Variants in P3H4 observed in about 807,000 individuals in gnomAD.
The protein encoded by P3H4 is endoplasmic reticulum protein SC65.
In P3H4, 47 loss-of-function variants were observed where a neutral mutation model predicts 52.9. The observed-to-expected ratio is 0.89, with a 90% confidence interval of 0.70 to 1.13. P3H4 has a LOEUF of 1.13. Among genes scored for constraint, P3H4 ranks in the 50% most tolerant of loss-of-function variants. The probability of loss-of-function intolerance (pLI) is 0.00; values close to 1 mark genes in which losing one functional copy is unlikely to be tolerated. For missense variants in P3H4, 585 were observed against 611.0 expected (o/e 0.96, Z 0.45); for synonymous variants, 256 against 267.9 (o/e 0.96, Z 0.44).
Position 41,803,408 on chromosome 17 carries a change from C to A in P3H4, c.1170G>T (p.Pro390=), listed in dbSNP as rs140569813. 6.2e-7 allele frequency: 1 copy of A among 1,613,694 alleles called. No homozygotes were observed. The highest frequency in any genetic ancestry group is 1.3e-5 in the African/African-American group (1 of 74,860). The change falls in exon 7 of 8, where the codon CCG becomes CCT. Residue 390 remains proline, a synonymous_variant. Transcript: ENST00000393928. The part of the protein sequence containing the change: ...DDEMELEETE[P]PLEPEDALSD... ...ATAGGGCATCCTCAGGCTCCAGGGG[C>A]GGTTCTGTCTCCTCCAGCTCCATCT...
At position 41,809,808 on chromosome 17, in the gene P3H4, T is replaced by G. The variant is rs782331376; in HGVS notation, c.814A>C (p.Lys272Gln). 6.2e-7 allele frequency: 1 copy of G among 1,613,592 alleles called. No individual in the cohort carries two copies. Among genetic ancestry groups the G allele is most frequent in the Non-Finnish European group, 8.5e-7 (1 of 1,179,812 alleles). Residue 272 changes from lysine to glutamine, a missense_variant, in exon 4 of 8, where the codon AAG becomes CAG. Physicochemically the swap from Lys to Gln is moderately conservative, Grantham distance 53. Transcript: ENST00000393928. ...ADLFAESLQCKVDCEANLTPN... is the reference protein window; with the variant it reads ...ADLFAESLQCQVDCEANLTPN... ...GTCAAATTGGCCTCACAGTCCACCT[T>G]GCACTGCAGGGACTCTGCAAAGAGA...
chr17:41,807,295 G>A (rs1032664463), intron 5 of P3H4: 8 of 225,888 alleles, frequency 3.5e-5, no homozygotes, highest in African/African-American at 6.8e-5. Flanking sequence ...TACCTCCCTC[G>A]TCTGGACACT....
chr17:41,810,151 G>C (rs977001020), intron 3 of P3H4, among the ~76,000 whole-genome samples: 1 of 149,244 alleles, frequency 6.7e-6, no homozygotes, highest in Admixed American at 6.6e-5. Context: ...AGTCCAAACA[G>C]AGAAGCTAAA....
At position 41,804,903 on chromosome 17, in the gene P3H4, G is replaced by C. The variant is rs182303311; in HGVS notation, c.1147-1472C>G. Among the ~76,000 whole-genome samples, 3 of 152,028 alleles carry C rather than the reference G, an allele frequency of 2.0e-5. No individual in the cohort carries two copies. The East Asian group carries it at 5.8e-4, about 29-fold the overall frequency. On this transcript the variant is annotated intron_variant, in intron 6 of 7. Transcript: ENST00000393928. ...CAGGAGGATCTCTTCAACCCAAGAG[G>C]TGGAGGTTGCAGTGAGCAGAGATCG...
At chr17:41,803,635 A>G (rs1426880137) in intron 6 of P3H4, among the ~76,000 whole-genome samples, 17 of 151,876 alleles carry the variant, frequency 1.1e-4, no homozygotes, top group Admixed American at 1.1e-3. Context: ...GGGCACCACC[A>G]GCAGAATTTG....
Position 41,802,807 on chromosome 17 carries a change from C to A in P3H4, c.*150G>T, listed in dbSNP as rs1239637879. On this transcript the variant is annotated 3_prime_UTR_variant, in exon 8 of 8. Transcript: ENST00000393928. ...CCTCAAGTGATCCACCCACCTTGGCCTCCCAAAATGCTGGGATTACAGGTG... is the reference window on the plus strand; with the variant it reads ...CCTCAAGTGATCCACCCACCTTGGCATCCCAAAATGCTGGGATTACAGGTG... 20 of 774,626 alleles carry A rather than the reference C, an allele frequency of 2.6e-5. No individual in the cohort carries two copies. The highest frequency in any genetic ancestry group is 4.0e-5 in the Non-Finnish European group (19 of 477,676). 48.0% of individuals were successfully genotyped at this position (774,626 alleles called of 1,614,324 possible).
rs781904281 is a variant in P3H4 at position 41,811,290 on chromosome 17, C to CG, written c.463-7dup. ...GCCTTCTCCAGCCGGTTAGCCTGGTCGGGGGGTAGGGGGTGGGGGAGCGGG... is the reference window on the plus strand; with the variant it reads ...GCCTTCTCCAGCCGGTTAGCCTGGTCGGGGGGGTAGGGGGTGGGGGAGCGGG... On this transcript the variant is annotated splice_polypyrimidine_tract_variant and splice_region_variant and intron_variant, in intron 1 of 7. Coordinates refer to ENST00000393928, the MANE Select transcript of P3H4 (RefSeq NM_006455.3). The surrounding 1 kb of genome is among the most constrained non-coding windows in gnomAD (Gnocchi z 4.8). The CG allele has an allele frequency of 3.1e-6, 5 of 1,603,308 alleles. No individual in the cohort carries two copies. In the African/African-American group the frequency reaches 4.0e-5, roughly 13 times the overall value.
chr17:41,802,807 C>T lies in P3H4; in HGVS notation c.*150G>A. 1 of 774,742 alleles carries T rather than the reference C, an allele frequency of 1.3e-6. No individual in the cohort carries two copies. The highest frequency in any genetic ancestry group is 2.1e-6 in the Non-Finnish European group (1 of 477,668). 48.0% of individuals were successfully genotyped at this position (774,742 alleles called of 1,614,324 possible). ...CCTCAAGTGATCCACCCACCTTGGCCTCCCAAAATGCTGGGATTACAGGTG... is the reference window on the plus strand; with the variant it reads ...CCTCAAGTGATCCACCCACCTTGGCTTCCCAAAATGCTGGGATTACAGGTG... On this transcript the variant is annotated 3_prime_UTR_variant, in exon 8 of 8. Transcript: ENST00000393928.
At position 41,811,738 on chromosome 17, in the gene P3H4, C is replaced by T; in HGVS notation, c.178G>A (p.Glu60Lys). The T allele has an allele frequency of 6.6e-7, 1 of 1,517,746 alleles. No individual in the cohort carries two copies. Among genetic ancestry groups the T allele is most frequent in the South Asian group, 1.2e-5 (1 of 81,292 alleles). The allele number at this position is 1,517,746 out of a possible 1,614,324, so 94.0% of individuals were successfully genotyped here. A position where few individuals can be genotyped will look rare whatever the true frequency, so the allele number is the denominator to read the frequency against. The change falls in exon 1 of 8, where the codon GAG (glutamate) becomes AAG (lysine). Residue 60 changes from glutamate (E) to lysine (K), a missense_variant. Glu to Lys is a moderately conservative substitution (Grantham distance 56). Coordinates refer to ENST00000393928, the MANE Select transcript of P3H4 (RefSeq NM_006455.3). The surrounding 1 kb of genome is among the most constrained non-coding windows in gnomAD (Gnocchi z 4.8). ...ESWRESARYLEAALRLHRLLR... is the reference protein window; with the variant it reads ...ESWRESARYLKAALRLHRLLR... ...AGCCGGTGCAGCCGCAGCGCCGCCTCCAGGTAGCGCGCGCTCTCGCGCCAG... is the reference window on the plus strand; with the variant it reads ...AGCCGGTGCAGCCGCAGCGCCGCCTTCAGGTAGCGCGCGCTCTCGCGCCAG...
chr17:41,811,046 G>T lies in P3H4; in HGVS notation c.616-12C>A. ...CGGAGGAACACGGCCTGGAAGGGGC[G>T]TGGCAGGGGGAGTCAGGGCGCCCCC... On this transcript the variant is annotated splice_polypyrimidine_tract_variant and intron_variant, in intron 2 of 7. Coordinates refer to ENST00000393928, the MANE Select transcript of P3H4 (RefSeq NM_006455.3). The surrounding 1 kb of genome is among the most constrained non-coding windows in gnomAD (Gnocchi z 4.8). The T allele has an allele frequency of 6.2e-7, 1 of 1,609,250 alleles. No individual in the cohort carries two copies. Among genetic ancestry groups the T allele is most frequent in the Non-Finnish European group, 8.5e-7 (1 of 1,176,322 alleles).
intron 5 of P3H4, 182 bp from the exon 6 acceptor site, chr17:41,807,061 G>C (rs1390312364): frequency 1.7e-6 from 1 of 584,620 alleles, no homozygotes; most frequent in African/African-American, 1.9e-5. Context: ...TAAGGATTCT[G>C]AGAGTTTGGT....
In P3H4 at chr17:41,807,937, G is replaced by A. The variant is rs978012328; in HGVS notation, c.984C>T (p.Val328=). 7 of 1,614,096 alleles carry A rather than the reference G, an allele frequency of 4.3e-6. No homozygotes were observed. The highest frequency in any genetic ancestry group is 1.3e-5 in the African/African-American group (1 of 74,946). ...SYMLFDPKDS[V]MQQNLVYYRF... ...GGTAATACACCAGGTTCTGCTGCAT[G>A]ACGCTGTCCTTGGGGTCGAAGAGCA... The change falls in exon 5 of 8, where the codon GTC becomes GTT. Residue 328 remains valine, a synonymous_variant. Coordinates refer to ENST00000393928, the MANE Select transcript of P3H4 (RefSeq NM_006455.3).
chr17:41,811,656 G>T lies in P3H4; in HGVS notation c.260C>A (p.Ala87Asp). The change falls in exon 1 of 8, where the codon GCC becomes GAC. Residue 87 changes from alanine to aspartate, a missense_variant. Coordinates refer to ENST00000393928, the MANE Select transcript of P3H4 (RefSeq NM_006455.3). The surrounding 1 kb of genome is among the most constrained non-coding windows in gnomAD (Gnocchi z 4.8). ...GCGGCCGCCGTCGGGATCGGGCTTG[G>T]CCGCGGGCGCGGGGCCGCTGCAGTT... The part of the protein sequence containing the change: ...HANCSGPAPA[A>D]KPDPDGGRAD... The T allele has an allele frequency of 7.0e-7, 1 of 1,431,508 alleles. No homozygotes were observed. The highest frequency in any genetic ancestry group is 1.5e-5 in the South Asian group (1 of 66,936). The allele number at this position is 1,431,508 out of a possible 1,614,324, so 88.7% of individuals were successfully genotyped here. A position where few individuals can be genotyped will look rare whatever the true frequency, so the allele number is the denominator to read the frequency against.
Position 41,802,886 on chromosome 17 carries a change from G to A in P3H4, c.*71C>T. 1 of 1,495,782 alleles carries A rather than the reference G, an allele frequency of 6.7e-7. No homozygotes were observed. Among genetic ancestry groups the A allele is most frequent in the Non-Finnish European group, 9.3e-7 (1 of 1,077,534 alleles). 92.7% of individuals were successfully genotyped at this position (1,495,782 alleles called of 1,614,324 possible). On this transcript the variant is annotated 3_prime_UTR_variant, in exon 8 of 8. Transcript: ENST00000393928. Reference sequence around the variant, plus strand: ...TTTTTAATAAATAGTTCTTGCTGCTGCCCAGGCTGGTGAGGGTGGGGCCAT... The same window carrying A: ...TTTTTAATAAATAGTTCTTGCTGCTACCCAGGCTGGTGAGGGTGGGGCCAT...
intron 6 of P3H4, 151 bp downstream of exon 6, chr17:41,806,645 G>A (rs1249718123): frequency 7.7e-6 from 5 of 650,142 alleles, no homozygotes; most frequent in East Asian, 5.5e-5. Flanking sequence ...GGGAAGGAAC[G>A]GACAGTCTAG....
At chr17:41,805,290 A>AAAACAAACAAACAAACAAAC (rs148476559) in intron 6 of P3H4, among the ~76,000 whole-genome samples, 46 of 87,174 alleles carry the variant, frequency 5.3e-4, no homozygotes, top group South Asian at 1.3e-3. Flanking sequence ...CTCTGTCTCA[A>AAAACAAACAAACAAACAAAC]AAACAAACAA....
At position 41,806,854 on chromosome 17, in the gene P3H4, G is replaced by T. The variant is rs111757022; in HGVS notation, c.1088C>A (p.Thr363Asn). Residue 363 changes from threonine (T) to asparagine (N), a missense_variant, in exon 6 of 8, where the codon ACC becomes AAC. Coordinates refer to ENST00000393928, the MANE Select transcript of P3H4 (RefSeq NM_006455.3). ...CTCCAGCAGCTCCCGCAGCTCGGCGGTCTGGTTGTGGTAGAGCATGGCCTC... is the reference window on the plus strand; with the variant it reads ...CTCCAGCAGCTCCCGCAGCTCGGCGTTCTGGTTGTGGTAGAGCATGGCCTC... ...REEAMLYHNQ[T>N]AELRELLEFT... The T allele has an allele frequency of 5.0e-6, 8 of 1,613,844 alleles. No individual in the cohort carries two copies. The African/African-American group carries it at 8.0e-5, about 16-fold the overall frequency.
intron 5 of P3H4, 56 bp downstream of exon 5, chr17:41,807,800 CAGG>C (rs2144022075): frequency 1.3e-6 from 2 of 1,569,018 alleles, no homozygotes; most frequent in South Asian, 1.2e-5. Context: ...GCCCGGCCGC[CAGG>C]AGTTCATTTT....
At position 41,806,853 on chromosome 17, in the gene P3H4, G is replaced by C; in HGVS notation, c.1089C>G (p.Thr363=). 6.2e-7 allele frequency: 1 copy of C among 1,613,814 alleles called. No individual in the cohort carries two copies. Among genetic ancestry groups the C allele is most frequent in the Non-Finnish European group, 8.5e-7 (1 of 1,179,948 alleles). ...ACTCCAGCAGCTCCCGCAGCTCGGC[G>C]GTCTGGTTGTGGTAGAGCATGGCCT... The part of the protein sequence containing the change: ...REEAMLYHNQ[T]AELRELLEFT... Residue 363 remains threonine, a synonymous_variant, in exon 6 of 8, where the codon ACC becomes ACG. Transcript: ENST00000393928.
Sources: gnomAD v4.1 joint callset for allele counts (sites outside exome capture counted in the v4.1 genomes callset) on GRCh38, gnomAD v4.1.1 for gene constraint, Gnocchi (gnomAD v3.1) non-coding constraint, MANE v1.5 for transcripts, NCBI Gene and HGNC (gene_info 2026-07-23, HGNC 2026-07-21) for gene names.